The following CEP63 variants were observed in gnomAD, a reference collection of about 807,000 sequenced individuals.
The protein encoded by CEP63 is centrosomal protein 63.
In CEP63, 84 loss-of-function variants were observed where a neutral mutation model predicts 89.1. The ratio of observed to expected loss-of-function variants is 0.94; its 90% CI spans 0.79 to 1.13. The LOEUF (loss-of-function observed/expected upper bound fraction) is 1.13, where lower values mean the gene tolerates loss of function less well. Among genes scored for constraint, CEP63 ranks in the 50% most tolerant of loss-of-function variants. The pLI is 0.00. For synonymous variants in CEP63, 267 were observed against 272.5 expected, an observed-to-expected ratio of 0.98 and a Z score of 0.20; for missense variants, 838 against 813.3, an observed-to-expected ratio of 1.03 and a Z score of -0.37.
the CEP63 span, among the ~76,000 whole-genome samples, chr3:134,678,217 C>T: frequency 3.9e-5 from 6 of 152,052 alleles, no homozygotes; most frequent in African/African-American, 1.4e-4. Flanking sequence ...TGATGTGTTG[C>T]TCTCCTGCCC....
Position 134,565,018 on chromosome 3 carries a change from G to A in CEP63, c.*3483G>A. 2 of 943,376 alleles carry A rather than the reference G, an allele frequency of 2.1e-6. No homozygotes were observed. The highest frequency in any genetic ancestry group is 2.5e-6 in the Non-Finnish European group (2 of 791,864). 58.4% of individuals were successfully genotyped at this position (943,376 alleles called of 1,614,324 possible). On this transcript the variant is annotated 3_prime_UTR_variant, in exon 15 of 15. Transcript: ENST00000675561. ...ATATATTAATACCAAATATTAAAAT[G>A]TGTCAAGACTAAATCTGAGTTAGTG...
Position 134,507,186 on chromosome 3 carries a change from C to A in CEP63, c.122C>A (p.Ser41Tyr), listed in dbSNP as rs146294786. 2 of 1,613,618 alleles carry A rather than the reference C, an allele frequency of 1.2e-6. No homozygotes were observed. The highest frequency in any genetic ancestry group is 4.5e-5 in the East Asian group (2 of 44,812). ...GACATAATGGTGGCTCATAAAAAATCTGAATGGGAAGGACGTACACATGCT... is the reference window on the plus strand; with the variant it reads ...GACATAATGGTGGCTCATAAAAAATATGAATGGGAAGGACGTACACATGCT... The part of the protein sequence containing the change: ...QIDIMVAHKK[S>Y]EWEGRTHALE... Residue 41 changes from serine to tyrosine, a missense_variant, in exon 3 of 15, where the codon TCT becomes TAT. Ser to Tyr is a moderately radical substitution (Grantham distance 144). Coordinates refer to ENST00000675561, the MANE Select transcript of CEP63 (RefSeq NM_001353108.3).
intron 3 of CEP63, among the ~76,000 whole-genome samples, chr3:134,509,110 T>C (rs1944234100): frequency 6.6e-6 from 1 of 152,158 alleles, no homozygotes; most frequent in South Asian, 2.1e-4. Context: ...TGTTCTCACA[T>C]TGTGATAAAG....
chr3:134,660,872 G>A, the CEP63 span, among the ~76,000 whole-genome samples: 2 of 152,168 alleles, frequency 1.3e-5, no homozygotes, highest in Admixed American at 6.5e-5. Flanking sequence ...GTTGAGACTG[G>A]AGAGTGGGCT....
chr3:134,643,386 A>G, the CEP63 span: 1 of 1,613,622 alleles, frequency 6.2e-7, no homozygotes, highest in South Asian at 1.1e-5. Flanking sequence ...TTTCTATTTA[A>G]GGAAGACAGA....
At chr3:134,704,942 C>G in the CEP63 span, among the ~76,000 whole-genome samples, 1 of 152,200 alleles carries the variant, frequency 6.6e-6, no homozygotes, top group South Asian at 2.1e-4. Flanking sequence ...CTTCTAACAG[C>G]TTAGGTCTTA....
At chr3:134,781,991 T>C in the CEP63 span, among the ~76,000 whole-genome samples, 4 of 152,240 alleles carry the variant, frequency 2.6e-5, no homozygotes, top group East Asian at 1.9e-4. Flanking sequence ...ATGCGTCCGA[T>C]GTTTTGCCAT....
At chr3:134,577,210 T>C (rs888763687), downstream of CEP63, among the ~76,000 whole-genome samples, 11 of 151,370 alleles carry the variant, frequency 7.3e-5, no homozygotes, top group Admixed American at 1.3e-4. Flanking sequence ...GTTTTTGCAA[T>C]AGAGTGCCAT....
the CEP63 span, among the ~76,000 whole-genome samples, chr3:134,620,282 T>C: frequency 6.6e-6 from 1 of 152,198 alleles, no homozygotes; most frequent in Non-Finnish European, 1.5e-5. Context: ...TGGCCAATGT[T>C]GCTAGTGTGG....
the CEP63 span, among the ~76,000 whole-genome samples, chr3:134,679,515 A>G: frequency 6.6e-6 from 1 of 151,876 alleles, no homozygotes; most frequent in Non-Finnish European, 1.5e-5. Flanking sequence ...TTCTTACCAC[A>G]CTCTTACTTC....
At chr3:134,728,031 C>T in the CEP63 span, among the ~76,000 whole-genome samples, 1 of 151,764 alleles carries the variant, frequency 6.6e-6, no homozygotes, top group African/African-American at 2.4e-5. Flanking sequence ...CATGAAGGCC[C>T]TAGTAGATAG....
At chr3:134,777,413 T>C in the CEP63 span, among the ~76,000 whole-genome samples, 4 of 152,106 alleles carry the variant, frequency 2.6e-5, no homozygotes, top group African/African-American at 9.7e-5. Context: ...CAAATGCCTA[T>C]TACCTGACTT....
At chr3:134,496,554 T>C (rs952305665) in intron 2 of CEP63, among the ~76,000 whole-genome samples, 3 of 152,178 alleles carry the variant, frequency 2.0e-5, no homozygotes, top group Non-Finnish European at 2.9e-5. Flanking sequence ...TGCCAGGTGC[T>C]GATCACAAGT....
chr3:134,545,125 G>A (rs561648656), intron 6 of CEP63, among the ~76,000 whole-genome samples: 1 of 151,924 alleles, frequency 6.6e-6, no homozygotes, highest in East Asian at 1.9e-4. Context: ...TCCCGATCCC[G>A]AGTAGCTGGG....
chr3:134,707,107 C>T, the CEP63 span, among the ~76,000 whole-genome samples: 14 of 152,324 alleles, frequency 9.2e-5, no homozygotes, highest in African/African-American at 3.4e-4. Context: ...CCACTACGGT[C>T]TCAAATTCCA....
At chr3:134,757,528 A>C in the CEP63 span, among the ~76,000 whole-genome samples, 1 of 152,238 alleles carries the variant, frequency 6.6e-6, no homozygotes, top group Admixed American at 6.5e-5. Flanking sequence ...GATTGGCAGA[A>C]TATTGGAGGT....
the CEP63 span, among the ~76,000 whole-genome samples, chr3:134,672,360 A>G: frequency 1.3e-5 from 2 of 152,232 alleles, no homozygotes; most frequent in Admixed American, 1.3e-4. Flanking sequence ...TATTGTGACC[A>G]TTGTTACTTC....
intron 3 of CEP63, among the ~76,000 whole-genome samples, chr3:134,519,805 C>CGAGGA (rs2108739307): frequency 6.6e-6 from 1 of 152,218 alleles, no homozygotes; most frequent in East Asian, 1.9e-4. Context: ...CATAATTCAT[C>CGAGGA]ATATTATCAG....
At chr3:134,592,142 A>C (rs1958609483), downstream of CEP63, among the ~76,000 whole-genome samples, 3 of 152,134 alleles carry the variant, frequency 2.0e-5, no homozygotes, top group Admixed American at 6.5e-5. Flanking sequence ...AAGATAGCTC[A>C]CTCACATGGC....
Sources: gnomAD v4.1 joint callset for allele counts (sites outside exome capture counted in the v4.1 genomes callset) on GRCh38, gnomAD v4.1.1 for gene constraint, MANE v1.5 for transcripts, NCBI Gene and HGNC (gene_info 2026-07-23, HGNC 2026-07-21) for gene names.